CHN2: variants seen among roughly 807,000 people sequenced by gnomAD.
CHN2 encodes the protein chimerin 2, also known as beta-chimaerin.
In CHN2, 35 loss-of-function variants were observed where a neutral mutation model predicts 56.3. That is an observed-to-expected ratio of 0.62 (90% confidence interval 0.47 to 0.82). CHN2 has a LOEUF of 0.82. CHN2 is among the 40% of genes least tolerant of loss of function. CHN2 has a pLI of 0.00. For missense variants in CHN2, 491 were observed against 580.5 expected (o/e 0.85, Z 1.58); for synonymous variants, 210 against 212.8 (o/e 0.99, Z 0.12).
intron 2 of CHN2, among the ~76,000 whole-genome samples, chr7:29,167,499 T>A (rs1320690113): frequency 6.6e-6 from 1 of 152,208 alleles, no homozygotes; most frequent in Non-Finnish European, 1.5e-5. Flanking sequence ...TTGGTGCACA[T>A]ATGCAAAACT....
intron 1 of CHN2, among the ~76,000 whole-genome samples, chr7:29,239,660 G>T (rs1324325056): frequency 2.0e-5 from 3 of 152,088 alleles, no homozygotes; most frequent in African/African-American, 7.2e-5. Flanking sequence ...ATTGGTTCAG[G>T]GCTTCTTCCC....
chr7:29,370,319 T>G (rs1799507884), intron 3 of CHN2, among the ~76,000 whole-genome samples: 1 of 152,196 alleles, frequency 6.6e-6, no homozygotes, highest in Non-Finnish European at 1.5e-5. Flanking sequence ...ACTTGCATGC[T>G]TGGGAGACAT....
intron 3 of CHN2, among the ~76,000 whole-genome samples, chr7:29,374,040 T>C (rs1208295437): frequency 6.6e-6 from 1 of 152,234 alleles, no homozygotes; most frequent in Non-Finnish European, 1.5e-5. Flanking sequence ...AAAATCAATC[T>C]CATTACCTTT....
intron 1 of CHN2, among the ~76,000 whole-genome samples, chr7:29,272,548 T>A (rs115822439): frequency 0.085 from 12,999 of 152,086 alleles, 886 homozygotes; most frequent in African/African-American, 0.19. Context: ...CCTATGCTTG[T>A]CTATGGGGCT....
chr7:29,197,445 T>C (rs2128765257), intron 1 of CHN2, among the ~76,000 whole-genome samples: 1 of 152,354 alleles, frequency 6.6e-6, no homozygotes, highest in South Asian at 2.1e-4. Flanking sequence ...TGATAAGACC[T>C]ACTTGGTAGA....
intron 3 of CHN2, among the ~76,000 whole-genome samples, chr7:29,375,584 GA>G (rs1314681036): frequency 1.3e-5 from 2 of 152,192 alleles, no homozygotes; most frequent in Admixed American, 6.5e-5. Flanking sequence ...CATTGTTTTA[GA>G]AAAAAAGAAC....
At chr7:29,495,133 T>C (rs1253606889) in intron 7 of CHN2, among the ~76,000 whole-genome samples, 2 of 152,204 alleles carry the variant, frequency 1.3e-5, no homozygotes, top group African/African-American at 4.8e-5. Flanking sequence ...AGATTGACCA[T>C]GGCCACATTT....
At chr7:29,346,264 G>A (rs1202186543) in intron 1 of CHN2, among the ~76,000 whole-genome samples, 1 of 152,152 alleles carries the variant, frequency 6.6e-6, no homozygotes, top group Non-Finnish European at 1.5e-5. Context: ...CCAAGCGTGG[G>A]CATAATGTAT....
chr7:29,431,396 G>A (rs1281527898), intron 6 of CHN2, among the ~76,000 whole-genome samples: 4 of 152,208 alleles, frequency 2.6e-5, no homozygotes, highest in Non-Finnish European at 5.9e-5. Flanking sequence ...TGCCTGGCAA[G>A]GGATGAGATC....
chr7:29,509,844 CAAAAA>C (rs34925686), intron 12 of CHN2, among the ~76,000 whole-genome samples: 8 of 134,186 alleles, frequency 6.0e-5, no homozygotes, highest in Non-Finnish European at 9.4e-5. Flanking sequence ...GACTCCATCT[CAAAAA>C]AAAAAAAAAA....
chr7:29,250,872 G>C (rs1260198484), intron 1 of CHN2, among the ~76,000 whole-genome samples: 1 of 112,696 alleles, frequency 8.9e-6, no homozygotes, highest in Non-Finnish European at 1.7e-5. Flanking sequence ...CACCATGCCA[G>C]GCTAATTTTG....
intron 6 of CHN2, among the ~76,000 whole-genome samples, chr7:29,474,989 G>C (rs1166484333): frequency 6.6e-6 from 1 of 152,114 alleles, no homozygotes; most frequent in East Asian, 1.9e-4. Flanking sequence ...TGTAGTGAGA[G>C]GGGTATTTGT....
chr7:29,495,386 AAACTAT>A (rs1449746003), intron 7 of CHN2, among the ~76,000 whole-genome samples: 2 of 152,192 alleles, frequency 1.3e-5, no homozygotes, highest in Non-Finnish European at 2.9e-5. Flanking sequence ...CTGAATATGG[AAACTAT>A]CTCTGGGGAA....
chr7:29,306,193 T>A (rs1380623421), intron 1 of CHN2, among the ~76,000 whole-genome samples: 1 of 152,196 alleles, frequency 6.6e-6, no homozygotes, highest in Admixed American at 6.5e-5. Flanking sequence ...ACTGTGTAAG[T>A]CAATAAATCT....
At chr7:29,273,103 C>G (rs540733315) in intron 1 of CHN2, among the ~76,000 whole-genome samples, 1 of 151,722 alleles carries the variant, frequency 6.6e-6, no homozygotes, top group African/African-American at 2.4e-5. Context: ...TACATCTTTC[C>G]GTTTTCTCTC....
intron 6 of CHN2, among the ~76,000 whole-genome samples, chr7:29,425,589 T>TA (rs1258611495): frequency 6.6e-6 from 1 of 152,212 alleles, no homozygotes; most frequent in Non-Finnish European, 1.5e-5. Flanking sequence ...CTTTAGCTTC[T>TA]AGGAACTTTA....
intron 1 of CHN2, among the ~76,000 whole-genome samples, chr7:29,303,529 C>T (rs1793890382): frequency 6.6e-6 from 1 of 152,200 alleles, no homozygotes; most frequent in African/African-American, 2.4e-5. Flanking sequence ...TCACTCCTCT[C>T]AGGATCTGCC....
intron 1 of CHN2, chr7:29,208,803 G>A (rs1023680516): frequency 1.3e-5 from 2 of 152,148 alleles, no homozygotes; most frequent in Non-Finnish European, 2.9e-5. Context: ...AAAACAAAGT[G>A]CTGAGGTACC....
At chr7:29,214,137 G>A (rs932961785) in intron 1 of CHN2, among the ~76,000 whole-genome samples, 11 of 152,108 alleles carry the variant, frequency 7.2e-5, no homozygotes, top group Non-Finnish European at 1.5e-4. Context: ...AATTCGATCC[G>A]ATTTCCCTTT....
Sources: allele counts gnomAD v4.1 joint callset (sites outside exome capture counted in the v4.1 genomes callset), GRCh38; gene constraint gnomAD v4.1.1; transcripts MANE v1.5; gene names NCBI Gene and HGNC (gene_info 2026-07-23, HGNC 2026-07-21).